Variants in ALK observed in about 807,000 individuals in gnomAD.
ALK encodes the protein ALK receptor tyrosine kinase, also known as ALK tyrosine kinase receptor.
Under a neutral mutation model 163.1 loss-of-function variants are expected in ALK, and 74 were observed. The observed-to-expected ratio is 0.45, with a 90% CI of 0.38 to 0.55. ALK has a LOEUF of 0.55. Ranked by LOEUF, ALK falls within the 20% of genes least tolerant of loss-of-function variation. ALK has a pLI of 0.00. For missense variants in ALK, 2,063 were observed against 2,105.3 expected (o/e 0.98, Z 0.39); for synonymous variants, 960 against 843.2 (o/e 1.14, Z -2.40).
intron 6 of ALK, 117 bp downstream of exon 6, chr2:29,328,233 C>G: frequency 6.8e-7 from 1 of 1,464,874 alleles, no homozygotes; most frequent in Admixed American, 1.7e-5. Context: ...AGAGGAGTCA[C>G]AAGTGTCAGT....
At chr2:29,542,071 T>C (rs1673427193) in intron 3 of ALK, among the ~76,000 whole-genome samples, 1 of 152,230 alleles carries the variant, frequency 6.6e-6, no homozygotes, top group African/African-American at 2.4e-5. Flanking sequence ...GTGACTTTCC[T>C]TTGTGTGCAC....
At chr2:29,829,824 C>A (rs997490993) in intron 1 of ALK, among the ~76,000 whole-genome samples, 7 of 152,214 alleles carry the variant, frequency 4.6e-5, no homozygotes. Flanking sequence ...GCCTGCATGG[C>A]CCTAACCTGT....
intron 11 of ALK, among the ~76,000 whole-genome samples, chr2:29,263,956 C>T (rs1665150359): frequency 6.6e-6 from 1 of 152,246 alleles, no homozygotes; most frequent in African/African-American, 2.4e-5. Context: ...CTCCTAGAAT[C>T]AAGATCTCCC....
chr2:29,313,296 G>C (rs1666741964), intron 8 of ALK, among the ~76,000 whole-genome samples: 1 of 152,198 alleles, frequency 6.6e-6, no homozygotes, highest in Non-Finnish European at 1.5e-5. Context: ...TCTCCTTCCT[G>C]ATTTGCTAAA....
intron 1 of ALK, among the ~76,000 whole-genome samples, chr2:29,811,044 G>A (rs1177434593): frequency 6.6e-6 from 1 of 151,970 alleles, no homozygotes; most frequent in African/African-American, 2.4e-5. Context: ...CATAAATTTT[G>A]GTTAAGTCAT....
intron 4 of ALK, among the ~76,000 whole-genome samples, chr2:29,497,100 G>T (rs1300619790): frequency 6.6e-6 from 1 of 152,012 alleles, no homozygotes; most frequent in Admixed American, 6.6e-5. Context: ...GTGAAACCCC[G>T]TCTCTACTAA....
chr2:29,673,087 A>G (rs1558435741), intron 3 of ALK, among the ~76,000 whole-genome samples: 1 of 140,090 alleles, frequency 7.1e-6, no homozygotes, highest in Non-Finnish European at 1.5e-5. Context: ...GCCCTTTGTC[A>G]GATGAGTAGG....
intron 3 of ALK, among the ~76,000 whole-genome samples, chr2:29,634,059 A>G (rs965202241): frequency 6.6e-6 from 1 of 152,156 alleles, no homozygotes; most frequent in Admixed American, 6.5e-5. Context: ...TTTTAGAGAA[A>G]GAGTCTCACT....
At chr2:29,446,184 T>C (rs13400760) in intron 4 of ALK, among the ~76,000 whole-genome samples, 3 of 93,854 alleles carry the variant, frequency 3.2e-5, no homozygotes, top group African/African-American at 1.2e-4. Flanking sequence ...ACAAAAAAAA[T>C]GAAGAAAACA....
At chr2:29,821,556 AC>A (rs1665048257) in intron 1 of ALK, among the ~76,000 whole-genome samples, 1 of 151,830 alleles carries the variant, frequency 6.6e-6, no homozygotes. Flanking sequence ...TCCAAGACCA[AC>A]CCCCACAAAT....
chr2:29,861,570 G>T (rs1415987224), intron 1 of ALK, among the ~76,000 whole-genome samples: 3 of 151,964 alleles, frequency 2.0e-5, no homozygotes, highest in African/African-American at 7.2e-5. Flanking sequence ...AACATACCAA[G>T]ACTGAATGAT....
intron 4 of ALK, among the ~76,000 whole-genome samples, chr2:29,399,529 C>T (rs1669392288): frequency 6.6e-6 from 1 of 152,216 alleles, no homozygotes; most frequent in African/African-American, 2.4e-5. Context: ...AGGGCATGCT[C>T]AGAAGATTAG....
intron 1 of ALK, among the ~76,000 whole-genome samples, chr2:29,789,040 T>TGTGTGTGA (rs1347483050): frequency 6.6e-6 from 1 of 151,340 alleles, no homozygotes; most frequent in Non-Finnish European, 1.5e-5. Flanking sequence ...TGTGTGTGTG[T>TGTGTGTGA]GTGTGTGTGT....
chr2:29,566,659 T>C (rs1674198522), intron 3 of ALK, among the ~76,000 whole-genome samples: 3 of 152,158 alleles, frequency 2.0e-5, no homozygotes, highest in Non-Finnish European at 2.9e-5. Flanking sequence ...TTAGTGGAAA[T>C]GATTATGGAA....
At chr2:29,786,087 A>G (rs895762321) in intron 1 of ALK, among the ~76,000 whole-genome samples, 2 of 152,188 alleles carry the variant, frequency 1.3e-5, no homozygotes, top group Non-Finnish European at 1.5e-5. Flanking sequence ...ATGAAGAAAA[A>G]ACGAGACTAA....
chr2:29,640,171 T>C (rs1488160511), intron 3 of ALK, among the ~76,000 whole-genome samples: 1 of 152,184 alleles, frequency 6.6e-6, no homozygotes, highest in East Asian at 1.9e-4. Flanking sequence ...TTCTCAAACA[T>C]TCATCTCCTC....
At chr2:29,561,633 T>C (rs566612396) in intron 3 of ALK, among the ~76,000 whole-genome samples, 30 of 152,348 alleles carry the variant, frequency 2.0e-4, no homozygotes, top group East Asian at 1.9e-3. Flanking sequence ...TGTGCTAAAA[T>C]AATGTAAGCA....
At chr2:29,222,467 C>G (rs2148168955) in intron 21 of ALK, 50 bp downstream of exon 21, 4 of 1,613,134 alleles carry the variant, frequency 2.5e-6, no homozygotes, top group Non-Finnish European at 3.4e-6. Flanking sequence ...GAACTGCAGC[C>G]TACAGAGTCC....
intron 3 of ALK, among the ~76,000 whole-genome samples, chr2:29,659,379 T>A (rs1677280237): frequency 6.6e-6 from 1 of 151,718 alleles, no homozygotes. Flanking sequence ...CACCCAGGAG[T>A]GGGCTGTTCT....
Sources: gnomAD v4.1 joint callset for allele counts (sites outside exome capture counted in the v4.1 genomes callset) on GRCh38, gnomAD v4.1.1 for gene constraint, MANE v1.5 for transcripts, NCBI Gene and HGNC (gene_info 2026-07-23, HGNC 2026-07-21) for gene names.